PRKG1: variants seen among roughly 807,000 people sequenced by gnomAD.
PRKG1 encodes the protein protein kinase cGMP-dependent 1, also known as cGMP-dependent protein kinase 1.
Under a neutral mutation model 88.1 loss-of-function variants are expected in PRKG1, and 35 were observed. The ratio of observed to expected loss-of-function variants is 0.40; its 90% confidence interval spans 0.30 to 0.53. The LOEUF (loss-of-function observed/expected upper bound fraction) is 0.53, where lower values mean the gene tolerates loss of function less well. PRKG1 is among the 20% of genes least tolerant of loss of function. The pLI is 0.59. For synonymous variants in PRKG1, 303 were observed against 292.5 expected (o/e 1.04, Z -0.37); for missense variants, 540 against 839.8 (o/e 0.64, Z 4.41).
intron 3 of PRKG1, among the ~76,000 whole-genome samples, chr10:51,787,869 A>G (rs1838767268): frequency 6.6e-6 from 1 of 152,170 alleles, no homozygotes; most frequent in Non-Finnish European, 1.5e-5. Flanking sequence ...ATTACCTATG[A>G]GGTGAGGCAG....
intron 5 of PRKG1, among the ~76,000 whole-genome samples, chr10:51,998,406 T>C (rs760314388): frequency 5.0e-4 from 76 of 152,190 alleles, no homozygotes; most frequent in Admixed American, 1.0e-3. Flanking sequence ...TGAAACACTC[T>C]AAATGTTCAC....
At chr10:51,263,602 G>A (rs1470781589) in intron 2 of PRKG1, among the ~76,000 whole-genome samples, 1 of 152,168 alleles carries the variant, frequency 6.6e-6, no homozygotes, top group Non-Finnish European at 1.5e-5. Context: ...CTCTCTTTAT[G>A]TCCTCATGCA....
At chr10:51,650,993 T>TA (rs1167181333) in intron 3 of PRKG1, among the ~76,000 whole-genome samples, 39 of 152,204 alleles carry the variant, frequency 2.6e-4, no homozygotes. Flanking sequence ...GCAATGTCTG[T>TA]AGACATTCGT....
At chr10:51,816,029 C>A (rs1210343862) in intron 4 of PRKG1, among the ~76,000 whole-genome samples, 1 of 152,196 alleles carries the variant, frequency 6.6e-6, no homozygotes, top group East Asian at 1.9e-4. Context: ...CACCTGCCTC[C>A]TTACACACAT....
intron 2 of PRKG1, among the ~76,000 whole-genome samples, chr10:51,175,556 C>G (rs1837169569): frequency 6.6e-6 from 1 of 151,928 alleles, no homozygotes; most frequent in African/African-American, 2.4e-5. Flanking sequence ...AAACATAAAA[C>G]CTCATTCAAA....
chr10:51,482,678 T>C (rs1840398142), intron 3 of PRKG1, among the ~76,000 whole-genome samples: 1 of 152,196 alleles, frequency 6.6e-6, no homozygotes, highest in Admixed American at 6.5e-5. Flanking sequence ...TTAACCCCCA[T>C]GGTTCTCCTA....
intron 3 of PRKG1, among the ~76,000 whole-genome samples, chr10:51,520,300 TTAAA>T (rs1184770716): frequency 1.3e-5 from 2 of 149,228 alleles, no homozygotes; most frequent in African/African-American, 2.4e-5. Flanking sequence ...ATATATTAAA[TTAAA>T]TAGTTGGCTT....
chr10:51,749,920 A>G (rs1380873247), intron 3 of PRKG1, among the ~76,000 whole-genome samples: 1 of 149,848 alleles, frequency 6.7e-6, no homozygotes, highest in South Asian at 2.1e-4. Context: ...TTAAAACTGT[A>G]TCTCTAATAG....
chr10:51,211,249 T>A (rs1461202952), intron 2 of PRKG1, among the ~76,000 whole-genome samples: 2 of 152,088 alleles, frequency 1.3e-5, no homozygotes, highest in African/African-American at 2.4e-5. Context: ...GAAAAGGCCT[T>A]TGACAAAATT....
chr10:52,166,809 G>GTGTATATA (rs1554812280), intron 9 of PRKG1, among the ~76,000 whole-genome samples: 4 of 70,194 alleles, frequency 5.7e-5, no homozygotes, highest in African/African-American at 1.1e-4. Flanking sequence ...ATATATATAT[G>GTGTATATA]TATATATATG....
chr10:51,657,674 G>A (rs991427151), intron 3 of PRKG1, among the ~76,000 whole-genome samples: 5 of 152,086 alleles, frequency 3.3e-5, no homozygotes, highest in South Asian at 2.1e-4. Context: ...TCAGCATACC[G>A]TTAAGCAGTT....
At chr10:52,160,246 C>A (rs1398188459) in intron 8 of PRKG1, among the ~76,000 whole-genome samples, 2 of 151,750 alleles carry the variant, frequency 1.3e-5, no homozygotes, top group African/African-American at 2.4e-5. Flanking sequence ...GGAAATTTTA[C>A]CATATAAAGA....
At chr10:51,195,841 C>G (rs1255742368) in intron 2 of PRKG1, among the ~76,000 whole-genome samples, 1 of 152,124 alleles carries the variant, frequency 6.6e-6, no homozygotes, top group Non-Finnish European at 1.5e-5. Flanking sequence ...CAACTAATAT[C>G]TATTAAGTAC....
At chr10:51,746,369 T>C (rs927131104) in intron 3 of PRKG1, among the ~76,000 whole-genome samples, 1 of 151,896 alleles carries the variant, frequency 6.6e-6, no homozygotes, top group South Asian at 2.1e-4. Context: ...TGGGCCATTC[T>C]CACCTCTATC....
chr10:51,934,640 A>G (rs12354723), intron 5 of PRKG1, among the ~76,000 whole-genome samples: 30,602 of 152,068 alleles, frequency 0.2, 4,006 homozygotes, highest in Non-Finnish European at 0.29. Context: ...TGATCACCAT[A>G]GCAGAGGCAA....
intron 2 of PRKG1, among the ~76,000 whole-genome samples, chr10:51,318,945 T>G (rs1251373508): frequency 6.6e-6 from 1 of 152,212 alleles, no homozygotes; most frequent in East Asian, 1.9e-4. Context: ...CCATGACAGT[T>G]AAATAATTTC....
intron 3 of PRKG1, among the ~76,000 whole-genome samples, chr10:51,477,728 C>T (rs1026536105): frequency 3.3e-5 from 5 of 151,890 alleles, no homozygotes; most frequent in Admixed American, 2.6e-4. Flanking sequence ...GAAGGGAGTT[C>T]GAACTTTCGT....
At chr10:52,065,386 G>C (rs1846331843) in intron 7 of PRKG1, among the ~76,000 whole-genome samples, 2 of 152,124 alleles carry the variant, frequency 1.3e-5, no homozygotes. Context: ...AGTCAGTTCT[G>C]TTTTCATTTC....
chr10:51,360,418 T>A (rs913653489), intron 2 of PRKG1, among the ~76,000 whole-genome samples: 2 of 151,898 alleles, frequency 1.3e-5, no homozygotes, highest in Non-Finnish European at 2.9e-5. Context: ...TCAACTGATA[T>A]AAGGGGAATG....
Sources: gnomAD v4.1 joint callset for allele counts (sites outside exome capture counted in the v4.1 genomes callset) on GRCh38, gnomAD v4.1.1 for gene constraint, MANE v1.5 for transcripts, NCBI Gene and HGNC (gene_info 2026-07-23, HGNC 2026-07-21) for gene names.